Variants in SPTSSA observed in about 807,000 individuals in gnomAD.
The protein encoded by SPTSSA is serine palmitoyltransferase small subunit A, also known as small subunit of serine palmitoyltransferase A.
Under a neutral mutation model 9.1 loss-of-function variants are expected in SPTSSA, and 8 were observed. The observed-to-expected ratio is 0.88, with a 90% CI of 0.51 to 1.58. The LOEUF (loss-of-function observed/expected upper bound fraction) is 1.58, where lower values mean the gene tolerates loss of function less well. SPTSSA is among the 40% of genes most tolerant of loss of function. The pLI is 0.00. For synonymous variants in SPTSSA, 42 were observed against 37.7 expected, an observed-to-expected ratio of 1.11 and a Z score of -0.41; for missense variants, 100 against 93.8, an observed-to-expected ratio of 1.07 and a Z score of -0.27.
Position 34,462,175 on chromosome 14 carries a change from C to T in SPTSSA, c.33G>A (p.Lys11=), listed in dbSNP as rs376851624. 20 of 1,534,480 alleles carry T rather than the reference C, an allele frequency of 1.3e-5. No homozygotes were observed. Among genetic ancestry groups the T allele is most frequent in the East Asian group, 8.3e-5 (3 of 36,320 alleles). The change falls in exon 1 of 2, where the codon AAG becomes AAA. Residue 11 remains lysine, a synonymous_variant. Transcript: ENST00000298130. ...ACTGGTAGTAGAACCAGGACATCTG[C>T]TTCCAGGCCCGCGCCAGCGCCATCC... MAGMALARAW[K]QMSWFYYQYL...
At chr14:34,458,004 A>G (rs1366045084) in intron 1 of SPTSSA, among the ~76,000 whole-genome samples, 1 of 151,642 alleles carries the variant, frequency 6.6e-6, no homozygotes, top group Non-Finnish European at 1.5e-5. Context: ...AGAAAAGAAA[A>G]GAAAAGACAG....
At position 34,448,240 on chromosome 14, in the gene SPTSSA, G is replaced by C. The variant is rs532470956; in HGVS notation, c.113-12936C>G. 1.1e-4 allele frequency among the ~76,000 whole-genome samples: 16 copies of C among 151,640 alleles called. No individual in the cohort carries two copies. In the South Asian group the frequency reaches 1.3e-3, roughly 12 times the overall value. On this transcript the variant is annotated intron_variant, in intron 1 of 1. Coordinates refer to ENST00000298130, the MANE Select transcript of SPTSSA (RefSeq NM_138288.4). ...CACTGCACTCCAGCCTGGGCAACAA[G>C]AGCAAAAACTCCATCTCAAAAAAAA...
rs181875538 is a variant in SPTSSA, at chr14:34,454,132, G to C, written c.112+7964C>G. On this transcript the variant is annotated intron_variant, in intron 1 of 1. Transcript: ENST00000298130. ...GAGTTCAAGGGTACAGTGAACTAAA[G>C]ATCATGCCAGCCACTGAACTCCAGC... 2.4e-4 allele frequency among the ~76,000 whole-genome samples: 37 copies of C among 152,230 alleles called. No homozygotes were observed. The East Asian group carries it at 3.7e-3, about 15-fold the overall frequency.
intron 1 of SPTSSA, among the ~76,000 whole-genome samples, chr14:34,451,532 G>A (rs1241391326): frequency 3.9e-5 from 6 of 151,904 alleles, no homozygotes; most frequent in Non-Finnish European, 5.9e-5. Context: ...GACCGTCCTG[G>A]CTAACACGGT....
intron 1 of SPTSSA, among the ~76,000 whole-genome samples, chr14:34,436,140 T>C (rs1234294610): frequency 6.6e-6 from 1 of 152,378 alleles, no homozygotes; most frequent in South Asian, 2.1e-4. Context: ...AGCTTAGGGA[T>C]GACAGCAACT....
chr14:34,460,746 T>C (rs766347195), intron 1 of SPTSSA, among the ~76,000 whole-genome samples: 3 of 152,178 alleles, frequency 2.0e-5, no homozygotes, highest in Non-Finnish European at 4.4e-5. Context: ...CATTCAAGTA[T>C]ATATTTTACA....
At position 34,462,197 on chromosome 14, in the gene SPTSSA, A is replaced by G. The variant is rs1878636140; in HGVS notation, c.11T>C (p.Met4Thr). The change falls in exon 1 of 2, where the codon ATG (methionine) becomes ACG (threonine). Residue 4 changes from methionine (M) to threonine (T), a missense_variant. Coordinates refer to ENST00000298130, the MANE Select transcript of SPTSSA (RefSeq NM_138288.4). The stretch of plus-strand genomic sequence containing the variant: ...CTGCTTCCAGGCCCGCGCCAGCGCC[A>G]TCCCCGCCATGCGCCTCCCGCGATG... MAG[M>T]ALARAWKQMS... The G allele has an allele frequency of 2.0e-6, 3 of 1,529,872 alleles. No homozygotes were observed. The highest frequency in any genetic ancestry group is 1.4e-5 in the African/African-American group (1 of 69,256). The allele number at this position is 1,529,872 out of a possible 1,614,324, so 94.8% of individuals were successfully genotyped here.
chr14:34,454,915 C>G (rs1232432503), intron 1 of SPTSSA, among the ~76,000 whole-genome samples: 1 of 152,088 alleles, frequency 6.6e-6, no homozygotes, highest in Non-Finnish European at 1.5e-5. Flanking sequence ...AGTAAATCCC[C>G]TTCTCTACTA....
rs754469010 is a variant in SPTSSA, at chr14:34,435,698, C to T, written c.113-394G>A. On this transcript the variant is annotated intron_variant, in intron 1 of 1. Coordinates refer to ENST00000298130, the MANE Select transcript of SPTSSA (RefSeq NM_138288.4). ...AGGCTGGAGTGTAATGGCACGATCT[C>T]GGCTCACTGCAACCTCTGCCTTCTG... 2.2e-5 allele frequency among the ~76,000 whole-genome samples: 3 copies of T among 138,608 alleles called. 1 individual carries two copies. The Admixed American group carries it at 2.4e-4, about 11-fold the overall frequency. 90.9% of individuals were successfully genotyped at this position (138,608 alleles called of 152,430 possible). A position where few individuals can be genotyped will look rare whatever the true frequency, so the allele number is the denominator to read the frequency against.
intron 1 of SPTSSA, among the ~76,000 whole-genome samples, chr14:34,461,210 C>T (rs1361587874): frequency 6.6e-6 from 1 of 152,130 alleles, no homozygotes; most frequent in Non-Finnish European, 1.5e-5. Context: ...CATTCATTAT[C>T]AGTATTTAAT....
chr14:34,449,158 G>C (rs1883474745), intron 1 of SPTSSA, among the ~76,000 whole-genome samples: 1 of 150,762 alleles, frequency 6.6e-6, no homozygotes, highest in African/African-American at 2.4e-5. Context: ...GGGAGGCCAA[G>C]GTGGGAGGAT....
At chr14:34,445,926 C>T (rs995497652) in intron 1 of SPTSSA, among the ~76,000 whole-genome samples, 1 of 152,158 alleles carries the variant, frequency 6.6e-6, no homozygotes, top group African/African-American at 2.4e-5. Context: ...AATGCTTGGT[C>T]CCATATTACT....
In SPTSSA at chr14:34,462,231, A is replaced by T; in HGVS notation, c.-24T>A. 1.4e-6 allele frequency: 2 copies of T among 1,478,498 alleles called. No homozygotes were observed. Among genetic ancestry groups the T allele is most frequent in the African/African-American group, 1.5e-5 (1 of 67,582 alleles). The allele number at this position is 1,478,498 out of a possible 1,614,324, so 91.6% of individuals were successfully genotyped here. A position where few individuals can be genotyped will look rare whatever the true frequency, so the allele number is the denominator to read the frequency against. ...ATGCGCCTCCCGCGATGCAGCTCACACGTCAGTCTGTCCGGCCGGCCGCCC... is the reference window on the plus strand; with the variant it reads ...ATGCGCCTCCCGCGATGCAGCTCACTCGTCAGTCTGTCCGGCCGGCCGCCC... On this transcript the variant is annotated 5_prime_UTR_variant, in exon 1 of 2. Transcript: ENST00000298130.
chr14:34,440,354 C>G (rs767728613), intron 1 of SPTSSA, among the ~76,000 whole-genome samples: 3 of 152,118 alleles, frequency 2.0e-5, no homozygotes, highest in Non-Finnish European at 4.4e-5. Flanking sequence ...TTTTTCACAG[C>G]TTTTATATAA....
intron 1 of SPTSSA, among the ~76,000 whole-genome samples, chr14:34,453,387 G>A (rs77602214): frequency 1.8e-4 from 28 of 152,214 alleles, no homozygotes; most frequent in Non-Finnish European, 3.8e-4. Flanking sequence ...GGCACCTCCA[G>A]GGTAGCACAG....
chr14:34,459,007 C>T (rs541341578), intron 1 of SPTSSA, among the ~76,000 whole-genome samples: 5 of 150,540 alleles, frequency 3.3e-5, no homozygotes, highest in South Asian at 4.2e-4. Flanking sequence ...CGGGTTCAAG[C>T]GATTCTCCTG....
intron 1 of SPTSSA, among the ~76,000 whole-genome samples, chr14:34,442,306 A>G (rs1479077025): frequency 6.6e-6 from 1 of 152,170 alleles, no homozygotes; most frequent in African/African-American, 2.4e-5. Context: ...TCTTACACTA[A>G]ATTTTTCCTT....
intron 1 of SPTSSA, among the ~76,000 whole-genome samples, chr14:34,440,625 T>C (rs1883301202): frequency 6.6e-6 from 1 of 152,194 alleles, no homozygotes; most frequent in Non-Finnish European, 1.5e-5. Context: ...CTTACACCTA[T>C]AATCCCAGCA....
At chr14:34,441,420 C>A (rs1209828141) in intron 1 of SPTSSA, among the ~76,000 whole-genome samples, 2 of 152,174 alleles carry the variant, frequency 1.3e-5, no homozygotes, top group East Asian at 3.9e-4. Context: ...GGCCTTTGAG[C>A]CCCTATGCTC....
Sources: allele counts gnomAD v4.1 joint callset (sites outside exome capture counted in the v4.1 genomes callset), GRCh38; gene constraint gnomAD v4.1.1; transcripts MANE v1.5; gene names NCBI Gene and HGNC (gene_info 2026-07-23, HGNC 2026-07-21).